Variants in NBAS observed in about 807,000 individuals in gnomAD.
The protein encoded by NBAS is NBAS subunit of NRZ tethering complex, also known as NAG/BC035112 fusion.
Under a neutral mutation model 302.5 loss-of-function variants are expected in NBAS, and 219 were observed. The ratio of observed to expected loss-of-function variants is 0.72; its 90% CI spans 0.65 to 0.81. NBAS has a LOEUF of 0.81. Among genes scored for constraint, NBAS ranks in the 30% least tolerant of loss-of-function variants. The pLI is 0.00. For synonymous variants in NBAS, 1,118 were observed against 1,021.6 expected, an observed-to-expected ratio of 1.09 and a Z score of -1.80; for missense variants, 2,932 against 2,841.6, an observed-to-expected ratio of 1.03 and a Z score of -0.72.
Position 15,276,870 on chromosome 2 carries a change from C to T in NBAS, c.5370G>A (p.Lys1790=). ...TCCTACCTGATGCAACAACCTTAAA[C>T]TTCTTCAGCAGTCGAATGTGGGTTT... ...KPETHIRLLK[K]FKVVASGLNY... The change falls in exon 43 of 52, where the codon AAG becomes AAA. Residue 1790 remains lysine (K), a synonymous_variant. Coordinates refer to ENST00000281513, the MANE Select transcript of NBAS (RefSeq NM_015909.4). 1 of 1,614,074 alleles carries T rather than the reference C, an allele frequency of 6.2e-7. No homozygotes were observed. Among genetic ancestry groups the T allele is most frequent in the Non-Finnish European group, 8.5e-7 (1 of 1,179,960 alleles).
At chr2:15,132,971 C>A in the NBAS span, among the ~76,000 whole-genome samples, 1 of 151,780 alleles carries the variant, frequency 6.6e-6, no homozygotes, top group African/African-American at 2.4e-5. Flanking sequence ...TTTTCTAAAT[C>A]ATGTACAATA....
At chr2:15,166,649 G>C (rs1664031920), downstream of NBAS, among the ~76,000 whole-genome samples, 1 of 152,140 alleles carries the variant, frequency 6.6e-6, no homozygotes, top group Non-Finnish European at 1.5e-5. Flanking sequence ...CTTGAGTCCA[G>C]GTCCACCCTC....
chr2:14,931,162 C>A, the NBAS span, among the ~76,000 whole-genome samples: 1 of 152,170 alleles, frequency 6.6e-6, no homozygotes, highest in African/African-American at 2.4e-5. Context: ...CCCCAGGAAA[C>A]AAGGGACAGA....
At chr2:14,814,668 A>G in the NBAS span, among the ~76,000 whole-genome samples, 1 of 152,178 alleles carries the variant, frequency 6.6e-6, no homozygotes, top group Non-Finnish European at 1.5e-5. Context: ...CTTGTCTCAG[A>G]TGAGACTTTG....
At chr2:15,004,299 T>G in the NBAS span, among the ~76,000 whole-genome samples, 4 of 152,354 alleles carry the variant, frequency 2.6e-5, no homozygotes, top group South Asian at 2.1e-4. Flanking sequence ...TGCAAACAAT[T>G]TACAGTTTCG....
the NBAS span, among the ~76,000 whole-genome samples, chr2:14,816,403 T>C: frequency 6.6e-6 from 1 of 152,332 alleles, no homozygotes; most frequent in Admixed American, 6.5e-5. Context: ...GGTGGAACAG[T>C]TTCATCCCAA....
chr2:15,005,954 G>A, the NBAS span, among the ~76,000 whole-genome samples: 1 of 152,174 alleles, frequency 6.6e-6, no homozygotes, highest in Non-Finnish European at 1.5e-5. Context: ...AGCAACATGT[G>A]AAGGATGGTT....
chr2:14,849,852 A>G, the NBAS span, among the ~76,000 whole-genome samples: 24 of 137,780 alleles, frequency 1.7e-4, no homozygotes, highest in East Asian at 4.5e-3. Context: ...TGAAGGAGAA[A>G]TAAAATACTT....
intron 43 of NBAS, 75 bp from the exon 44 acceptor site, chr2:15,275,893 C>A: frequency 1.6e-6 from 2 of 1,272,962 alleles, no homozygotes; most frequent in South Asian, 2.4e-5. Context: ...AACACACACA[C>A]ATAGCCCTCT....
At chr2:15,231,575 T>C (rs1225432318) in intron 47 of NBAS, among the ~76,000 whole-genome samples, 1 of 152,088 alleles carries the variant, frequency 6.6e-6, no homozygotes, top group Non-Finnish European at 1.5e-5. Context: ...ACAATAATCA[T>C]TAAATCTACA....
intron 21 of NBAS, among the ~76,000 whole-genome samples, chr2:15,448,437 T>C (rs1049548403): frequency 1.3e-5 from 2 of 152,172 alleles, no homozygotes; most frequent in East Asian, 1.9e-4. Flanking sequence ...CATTTCACAC[T>C]TGAAGAAACT....
At chr2:15,174,837 T>C (rs1664456235) in intron 51 of NBAS, among the ~76,000 whole-genome samples, 1 of 152,274 alleles carries the variant, frequency 6.6e-6, no homozygotes, top group African/African-American at 2.4e-5. Context: ...TAATATCTTC[T>C]CATACAATCA....
At chr2:15,517,935 G>A (rs938163439) in intron 9 of NBAS, among the ~76,000 whole-genome samples, 5 of 152,114 alleles carry the variant, frequency 3.3e-5, no homozygotes, top group African/African-American at 9.7e-5. Flanking sequence ...TACTGAATGT[G>A]TATTGCTTCT....
chr2:15,257,537 A>C (rs890068180), intron 44 of NBAS, among the ~76,000 whole-genome samples: 2 of 151,796 alleles, frequency 1.3e-5, no homozygotes, highest in Non-Finnish European at 2.9e-5. Flanking sequence ...AGATTGCAAA[A>C]GCCTGCCACC....
At chr2:14,893,593 T>C in the NBAS span, among the ~76,000 whole-genome samples, 1 of 152,216 alleles carries the variant, frequency 6.6e-6, no homozygotes, top group Non-Finnish European at 1.5e-5. Flanking sequence ...TTTTCTGTTC[T>C]ACTCTGTGCT....
At chr2:15,533,490 A>G (rs1663321150) in intron 9 of NBAS, among the ~76,000 whole-genome samples, 1 of 152,234 alleles carries the variant, frequency 6.6e-6, no homozygotes, top group Non-Finnish European at 1.5e-5. Flanking sequence ...GAAGTCACGA[A>G]GTGAGACTTG....
At chr2:14,996,063 C>T in the NBAS span, among the ~76,000 whole-genome samples, 53 of 152,182 alleles carry the variant, frequency 3.5e-4, 1 homozygote, top group East Asian at 2.9e-3. Flanking sequence ...TGTTGTCTTC[C>T]TTTGAGGTTA....
rs146730415 is a variant in NBAS at position 15,387,375 on chromosome 2, A to G, written c.3258-4058T>C. Among the ~76,000 whole-genome samples, 1,210 of 152,268 alleles carry G rather than the reference A, an allele frequency of 7.9e-3. 13 individuals carry two copies. Among genetic ancestry groups the G allele is most frequent in the African/African-American group, 0.028 (1,143 of 41,560 alleles). On this transcript the variant is annotated intron_variant, in intron 28 of 51. Coordinates refer to ENST00000281513, the MANE Select transcript of NBAS (RefSeq NM_015909.4). The stretch of plus-strand genomic sequence containing the variant: ...ATGAATGTATGAATATTAATTGTTC[A>G]GTTTTCCTGTCTCTATTGTAACTGG...
Position 15,167,153 on chromosome 2 carries a change from G to A in NBAS, c.7011C>T (p.Ala2337=), listed in dbSNP as rs200784608. ...AEELGRHLRE[A]GHEAEAGSLL... is the part of the protein sequence containing the mutation. ...GAGACCCGGCTTCGGCTTCATGGCC[G>A]GCCTCCCGCAGGTGTCTGCCCAGCT... Residue 2337 remains alanine, a synonymous_variant, in exon 52 of 52, where the codon GCC becomes GCT. Transcript: ENST00000281513. The A allele has an allele frequency of 2.8e-5, 45 of 1,614,112 alleles. No individual in the cohort carries two copies. The highest frequency in any genetic ancestry group is 5.0e-5 in the Admixed American group (3 of 60,010).
Sources: gnomAD v4.1 joint callset for allele counts (sites outside exome capture counted in the v4.1 genomes callset) on GRCh38, gnomAD v4.1.1 for gene constraint, MANE v1.5 for transcripts, NCBI Gene and HGNC (gene_info 2026-07-23, HGNC 2026-07-21) for gene names.